The following SYNE1 variants were observed in gnomAD, a reference collection of about 807,000 sequenced individuals.
SYNE1 encodes the protein nesprin-1.
SYNE1 carries 616 observed loss-of-function variants against 1,111.0 expected under a neutral mutation model. The observed-to-expected ratio is 0.55, with a 90% CI of 0.52 to 0.59. The LOEUF is 0.59. Ranked by LOEUF, SYNE1 falls within the 20% of genes least tolerant of loss-of-function variation. SYNE1 has a pLI of 0.00. For synonymous variants in SYNE1, 3,855 were observed against 3,825.8 expected (o/e 1.01, Z -0.28); for missense variants, 10,006 against 10,417.0 (o/e 0.96, Z 1.72).
At chr6:152,295,601 G>A (rs565761335) in intron 93 of SYNE1, among the ~76,000 whole-genome samples, 8 of 151,542 alleles carry the variant, frequency 5.3e-5, no homozygotes, top group Admixed American at 3.3e-4. Context: ...ATTTATGCAT[G>A]TGTGTGTGTT....
At chr6:152,530,473 T>G (rs1299241668) in intron 4 of SYNE1, among the ~76,000 whole-genome samples, 1 of 146,548 alleles carries the variant, frequency 6.8e-6, no homozygotes, top group African/African-American at 2.5e-5. Flanking sequence ...GTATGGTTTT[T>G]TTTTTTTTTT....
intron 128 of SYNE1, among the ~76,000 whole-genome samples, chr6:152,182,662 C>G (rs1412010821): frequency 6.6e-6 from 1 of 152,152 alleles, no homozygotes. Context: ...TGGATTTGCT[C>G]TGTTAATGAT....
chr6:152,470,506 A>G (rs1347673821), intron 16 of SYNE1, among the ~76,000 whole-genome samples: 2 of 152,198 alleles, frequency 1.3e-5, no homozygotes, highest in Non-Finnish European at 2.9e-5. Context: ...CAGATTTTGC[A>G]TTTTGGAACA....
chr6:152,597,155 A>AT (rs1307800524), intron 3 of SYNE1, among the ~76,000 whole-genome samples: 2 of 152,236 alleles, frequency 1.3e-5, no homozygotes, highest in African/African-American at 4.8e-5. Context: ...ACCAACAGAC[A>AT]TTTGATTTTT....
rs794727110 is a variant in SYNE1, at chr6:152,148,154, A to G, written c.24867T>C (p.Tyr8289=). 23 of 1,614,074 alleles carry G rather than the reference A, an allele frequency of 1.4e-5. No homozygotes were observed. Among genetic ancestry groups the G allele is most frequent in the Non-Finnish European group, 1.9e-5 (23 of 1,180,038 alleles). ...DSIPLEWDHD[Y]DLSRDLESAM... ...CAGACTCCAGGTCCCGACTGAGGTC[A>G]TAGTCGTGATCCCACTCCAGGGGGA... Residue 8289 remains tyrosine (Y), a synonymous_variant, in exon 137 of 146, where the codon TAT becomes TAC. Transcript: ENST00000367255. This position sits in a 1 kb window ranked among gnomAD's most constrained non-coding sequence, Gnocchi z 4.1.
intron 16 of SYNE1, among the ~76,000 whole-genome samples, chr6:152,470,448 G>A (rs557648631): frequency 6.6e-6 from 1 of 152,200 alleles, no homozygotes; most frequent in African/African-American, 2.4e-5. Flanking sequence ...TTAAAATCAA[G>A]TTTTTCATAA....
chr6:152,462,466 G>T, intron 20 of SYNE1: 1 of 574,802 alleles, frequency 1.7e-6, no homozygotes, highest in Non-Finnish European at 3.1e-6. Context: ...ATCTATAGAT[G>T]TCTCCTGTTT....
intron 127 of SYNE1, among the ~76,000 whole-genome samples, chr6:152,197,222 A>G (rs929020551): frequency 6.6e-6 from 1 of 152,202 alleles, no homozygotes; most frequent in African/African-American, 2.4e-5. Flanking sequence ...AGTTGAAATC[A>G]GGTAATGTGA....
At chr6:152,472,476 A>G (rs2098812126) in intron 14 of SYNE1, 63 bp from the exon 15 acceptor site, 2 of 1,467,886 alleles carry the variant, frequency 1.4e-6, no homozygotes, top group African/African-American at 1.4e-5. Flanking sequence ...GCTAAGAAGC[A>G]TAATTTCCAG....
intron 32 of SYNE1, among the ~76,000 whole-genome samples, chr6:152,439,216 G>T (rs1021234327): frequency 7.2e-5 from 11 of 152,142 alleles, no homozygotes; most frequent in African/African-American, 2.4e-4. Context: ...AGACTCAAAA[G>T]ATTCCATTTG....
At position 152,151,999 on chromosome 6, in the gene SYNE1, T is replaced by A. The variant is rs763484805; in HGVS notation, c.24272A>T (p.Asn8091Ile). ...MVHEGNQRWD[N>I]LQKRVTSILR... ...GATGGAGGTGACACGCTTTTGCAGGTTGTCCCATCTCTGGTTGCCTTCGTG... is the reference window on the plus strand; with the variant it reads ...GATGGAGGTGACACGCTTTTGCAGGATGTCCCATCTCTGGTTGCCTTCGTG... Residue 8091 changes from asparagine (N) to isoleucine (I), a missense_variant, in exon 134 of 146, where the codon AAC becomes ATC. By Grantham distance (149) the Asn-to-Ile change is moderately radical. Around this residue, in one of 7 missense-constraint regions of SYNE1, gnomAD observed 2,182 missense variants for 2,287.8 expected, o/e 0.95. Coordinates refer to ENST00000367255, the MANE Select transcript of SYNE1 (RefSeq NM_182961.4). 4 of 1,614,074 alleles carry A rather than the reference T, an allele frequency of 2.5e-6. No individual in the cohort carries two copies. In the African/African-American group the frequency reaches 5.3e-5, roughly 22 times the overall value.
intron 3 of SYNE1, among the ~76,000 whole-genome samples, chr6:152,566,979 C>T (rs2099415560): frequency 7.2e-6 from 1 of 139,194 alleles, no homozygotes; most frequent in Admixed American, 7.7e-5. Flanking sequence ...TTCATCTCTT[C>T]ACATACTGTG....
chr6:152,206,501 A>G (rs1289022458), intron 125 of SYNE1, 139 bp from the exon 126 acceptor site: 4 of 837,186 alleles, frequency 4.8e-6, no homozygotes, highest in African/African-American at 3.4e-5. Flanking sequence ...ACATGCATGC[A>G]CCAGTGAATA....
intron 3 of SYNE1, among the ~76,000 whole-genome samples, chr6:152,617,745 AG>A (rs1222041951): frequency 6.6e-6 from 1 of 152,220 alleles, no homozygotes; most frequent in African/African-American, 2.4e-5. Context: ...TGTTCAAAGT[AG>A]AGTACAAACG....
At chr6:152,314,875 T>C (rs7761707) in intron 87 of SYNE1, among the ~76,000 whole-genome samples, 73,437 of 140,070 alleles carry the variant, frequency 0.52, 19,524 homozygotes, top group Admixed American at 0.6. Context: ...CACTTGAACC[T>C]GCCCAGGCTG....
In SYNE1 at chr6:152,236,166, G is replaced by A; in HGVS notation, c.20337C>T (p.Asn6779=). 4 of 1,614,146 alleles carry A rather than the reference G, an allele frequency of 2.5e-6. No individual in the cohort carries two copies. The highest frequency in any genetic ancestry group is 3.4e-6 in the Non-Finnish European group (4 of 1,180,016). ...GAAGTTCCTTAGACATTTTATTGGT[G>A]TTACTTAGCCAGCACTCTCCAAGTT... ...LNQLGECWLS[N]TNKMSKELHR... Residue 6779 remains asparagine, a synonymous_variant, in exon 110 of 146, where the codon AAC becomes AAT. Coordinates refer to ENST00000367255, the MANE Select transcript of SYNE1 (RefSeq NM_182961.4).
chr6:152,219,005 G>A lies in SYNE1; in HGVS notation c.22042C>T (p.Gln7348Ter), dbSNP rs2079430530. 2 of 1,613,844 alleles carry A rather than the reference G, an allele frequency of 1.2e-6. No homozygotes were observed. Among genetic ancestry groups the A allele is most frequent in the South Asian group, 1.1e-5 (1 of 91,080 alleles). ...QALCKQQTSLQAGVLDYETFA... is the reference protein window; with the variant it reads ...QALCKQQTSL Reference sequence around the variant, plus strand: ...GATACTAAATAGGAGCTCTGTACCTGTAATGAAGTCTGCTGTTTGCAGAGA... The same window carrying A: ...GATACTAAATAGGAGCTCTGTACCTATAATGAAGTCTGCTGTTTGCAGAGA... The change falls in exon 120 of 146, where the codon CAG becomes TAG. Residue 7348 changes from glutamine (Q) to a stop codon, truncating the protein, a stop_gained and splice_region_variant. Coordinates refer to ENST00000367255, the MANE Select transcript of SYNE1 (RefSeq NM_182961.4). LOFTEE classifies it high-confidence loss of function.
chr6:152,182,797 A>C (rs2068494807), intron 128 of SYNE1, among the ~76,000 whole-genome samples: 1 of 152,146 alleles, frequency 6.6e-6, no homozygotes, highest in South Asian at 2.1e-4. Flanking sequence ...TGAGCCCCAT[A>C]ACCTACCATA....
At chr6:152,531,676 C>A (rs533281466) in intron 4 of SYNE1, among the ~76,000 whole-genome samples, 1 of 152,278 alleles carries the variant, frequency 6.6e-6, no homozygotes, top group South Asian at 2.1e-4. Context: ...TCAGCCTCTA[C>A]CATTCTACCA....
Sources: allele counts gnomAD v4.1 joint callset (sites outside exome capture counted in the v4.1 genomes callset), GRCh38; gene constraint gnomAD v4.1.1; regional missense constraint gnomAD v4.1.1; non-coding constraint Gnocchi (gnomAD v3.1); transcripts MANE v1.5; gene names NCBI Gene and HGNC (gene_info 2026-07-23, HGNC 2026-07-21).